Variants in SCOC observed in about 807,000 individuals in gnomAD.
SCOC encodes the protein short coiled-coil protein, also known as short coiled coil protein.
A neutral mutation model predicts 9.9 loss-of-function variants in SCOC; 7 were observed. That is an observed-to-expected ratio of 0.71 (90% CI 0.40 to 1.33). The LOEUF is 1.33. Ranked by LOEUF, SCOC falls within the 40% of genes most tolerant of loss-of-function variation. SCOC has a pLI of 0.01. For missense variants in SCOC, 66 were observed against 89.7 expected, an observed-to-expected ratio of 0.74 and a Z score of 1.07; for synonymous variants, 19 against 28.2, an observed-to-expected ratio of 0.67 and a Z score of 1.03.
intron 1 of SCOC, among the ~76,000 whole-genome samples, chr4:140,275,367 T>C (rs1271377550): frequency 6.6e-6 from 1 of 152,252 alleles, no homozygotes; most frequent in African/African-American, 2.4e-5. Context: ...CACATCCTGC[T>C]ATGCTGTGTG....
rs1332245945 is a variant in SCOC, at chr4:140,379,115, T to C, written c.-50-6T>C. On this transcript the variant is annotated splice_region_variant and splice_polypyrimidine_tract_variant and intron_variant, in intron 1 of 3. Coordinates refer to ENST00000608372, the MANE Select transcript of SCOC (RefSeq NM_001153484.2). ...TGTCTATATTTCTGAATTTTTCTTA[T>C]TGTAGACCATTCCTCAAGAATTTTG... The C allele has an allele frequency of 9.6e-6, 15 of 1,569,522 alleles. No individual in the cohort carries two copies. The highest frequency in any genetic ancestry group is 3.3e-5 in the Admixed American group (2 of 59,942).
chr4:140,266,864 A>G (rs1730738573), intron 1 of SCOC, among the ~76,000 whole-genome samples: 1 of 152,138 alleles, frequency 6.6e-6, no homozygotes, highest in Non-Finnish European at 1.5e-5. Flanking sequence ...ATCTTTGAGA[A>G]AAACTATTAA....
At chr4:140,346,383 T>C (rs1726739799) in intron 2 of SCOC, among the ~76,000 whole-genome samples, 1 of 152,144 alleles carries the variant, frequency 6.6e-6, no homozygotes, top group African/African-American at 2.4e-5. Flanking sequence ...TGTTTCTAAT[T>C]CTGAATAGAA....
intron 1 of SCOC, among the ~76,000 whole-genome samples, chr4:140,283,380 C>T (rs1731142620): frequency 6.6e-6 from 1 of 152,088 alleles, no homozygotes; most frequent in African/African-American, 2.4e-5. Context: ...ATATTTTTGT[C>T]CTGTCCTCAA....
intron 1 of SCOC, among the ~76,000 whole-genome samples, chr4:140,261,027 C>G (rs1278670690): frequency 6.6e-6 from 1 of 152,144 alleles, no homozygotes; most frequent in Non-Finnish European, 1.5e-5. Flanking sequence ...TCATTGAGCA[C>G]CTATGTGCCA....
intron 2 of SCOC, among the ~76,000 whole-genome samples, chr4:140,359,256 G>A (rs1209718055): frequency 6.6e-6 from 1 of 152,160 alleles, no homozygotes; most frequent in Non-Finnish European, 1.5e-5. Context: ...TGTATCCAAG[G>A]TGGCTCACTC....
intron 1 of SCOC, among the ~76,000 whole-genome samples, chr4:140,309,731 T>C (rs1038805680): frequency 2.0e-5 from 3 of 152,198 alleles, no homozygotes; most frequent in Admixed American, 1.3e-4. Flanking sequence ...ATATTGAAGC[T>C]TTCCTTGAAC....
intron 1 of SCOC, among the ~76,000 whole-genome samples, chr4:140,311,748 C>T (rs1732161782): frequency 6.6e-6 from 1 of 152,146 alleles, no homozygotes; most frequent in Non-Finnish European, 1.5e-5. Context: ...TTTGGTCTTA[C>T]ATTTCTTACC....
At chr4:140,311,128 T>A (rs1732144263) in intron 1 of SCOC, among the ~76,000 whole-genome samples, 1 of 152,138 alleles carries the variant, frequency 6.6e-6, no homozygotes, top group Non-Finnish European at 1.5e-5. Flanking sequence ...ACTAACTACT[T>A]GGGAGGCTGA....
chr4:140,332,012 G>A (rs887641956), intron 1 of SCOC, among the ~76,000 whole-genome samples: 1 of 48,116 alleles, frequency 2.1e-5, no homozygotes, highest in Non-Finnish European at 4.3e-5. Flanking sequence ...AGGAGCAGGA[G>A]GAAGAGAGAG....
At position 140,383,816 on chromosome 4, in the gene SCOC, G is replaced by A. The variant is rs951060822; in HGVS notation, c.*2712G>A. 2.6e-5 allele frequency: 4 copies of A among 152,160 alleles called. No homozygotes were observed. The highest frequency in any genetic ancestry group is 4.1e-4 in the South Asian group (2 of 4,826). The allele number at this position is 152,160 out of a possible 1,614,324, so 9.4% of individuals were successfully genotyped here. ...CAGTGTGCTTCTGATTGCATATGCC[G>A]AGGAACCACAACCAAGCTTTTGACC... is the stretch of plus-strand genomic sequence containing the variant. On this transcript the variant is annotated 3_prime_UTR_variant, in exon 4 of 4. Transcript: ENST00000608372.
In SCOC at chr4:140,382,164, C is replaced by G. The variant is rs533572185; in HGVS notation, c.*1060C>G. The G allele has an allele frequency of 6.6e-6, 1 of 152,228 alleles. No homozygotes were observed. The highest frequency in any genetic ancestry group is 1.9e-4 in the East Asian group (1 of 5,186). 9.4% of individuals were successfully genotyped at this position (152,228 alleles called of 1,614,324 possible). A position where few individuals can be genotyped will look rare whatever the true frequency, so the allele number is the denominator to read the frequency against. ...AAAATGGGAAAGTTATACATGTATACTTATTATCTTGCTCAGTATTTTATC... is the reference window on the plus strand; with the variant it reads ...AAAATGGGAAAGTTATACATGTATAGTTATTATCTTGCTCAGTATTTTATC... On this transcript the variant is annotated 3_prime_UTR_variant, in exon 4 of 4. Coordinates refer to ENST00000608372, the MANE Select transcript of SCOC (RefSeq NM_001153484.2).
chr4:140,306,183 T>C (rs1465676553), intron 1 of SCOC, among the ~76,000 whole-genome samples: 2 of 152,120 alleles, frequency 1.3e-5, no homozygotes, highest in African/African-American at 2.4e-5. Context: ...TAGTCACGTC[T>C]TTCATGGTGG....
intron 2 of SCOC, among the ~76,000 whole-genome samples, chr4:140,365,466 G>C (rs1466501365): frequency 6.6e-6 from 1 of 152,202 alleles, no homozygotes; most frequent in East Asian, 1.9e-4. Context: ...TTTGATAAAG[G>C]CACTGAAACC....
intron 1 of SCOC, among the ~76,000 whole-genome samples, chr4:140,281,096 T>G (rs140403891): frequency 1.8e-4 from 28 of 152,250 alleles, no homozygotes; most frequent in African/African-American, 6.7e-4. Context: ...TCATCCTCTC[T>G]CTATAGGAGA....
At chr4:140,272,823 G>A (rs904915686) in intron 1 of SCOC, among the ~76,000 whole-genome samples, 3 of 152,180 alleles carry the variant, frequency 2.0e-5, no homozygotes, top group African/African-American at 4.8e-5. Flanking sequence ...GAAGGAAGGC[G>A]GGGAGGGGAA....
At chr4:140,370,848 A>G (rs144824677), upstream of SCOC, among the ~76,000 whole-genome samples, 105 of 150,792 alleles carry the variant, frequency 7.0e-4, no homozygotes, top group Non-Finnish European at 1.4e-3. Context: ...CGTTATTTGC[A>G]TATATTTATC....
At chr4:140,379,230 T>G in intron 2 of SCOC, 38 bp downstream of exon 2, 1 of 1,343,926 alleles carries the variant, frequency 7.4e-7, no homozygotes, top group Non-Finnish European at 1.1e-6. Context: ...ACTCCTGGTT[T>G]TGTGGATGCT....
chr4:140,372,898 T>C (rs1728114928), upstream of SCOC, among the ~76,000 whole-genome samples: 2 of 152,206 alleles, frequency 1.3e-5, no homozygotes, highest in African/African-American at 4.8e-5. Flanking sequence ...TGATACCGTA[T>C]ATGTGACCTT....
Sources: gnomAD v4.1 joint callset for allele counts (sites outside exome capture counted in the v4.1 genomes callset) on GRCh38, gnomAD v4.1.1 for gene constraint, MANE v1.5 for transcripts, NCBI Gene and HGNC (gene_info 2026-07-23, HGNC 2026-07-21) for gene names.